BEST1: variants seen among roughly 807,000 people sequenced by gnomAD.
BEST1 encodes the protein bestrophin-1.
A neutral mutation model predicts 63.3 loss-of-function variants in BEST1; 58 were observed. The ratio of observed to expected loss-of-function variants is 0.92; its 90% CI spans 0.74 to 1.14. BEST1 has a LOEUF of 1.14. BEST1 is among the 50% of genes most tolerant of loss of function. The probability of loss-of-function intolerance (pLI) is 0.00; values close to 1 mark genes in which losing one functional copy is unlikely to be tolerated. For missense variants in BEST1, 671 were observed against 740.1 expected, an observed-to-expected ratio of 0.91 and a Z score of 1.08; for synonymous variants, 283 against 291.6, an observed-to-expected ratio of 0.97 and a Z score of 0.30.
chr11:61,964,668 T>C (rs1008194395), downstream of BEST1: 5 of 1,555,646 alleles, frequency 3.2e-6, no homozygotes, highest in Admixed American at 3.3e-5. Flanking sequence ...CCAACATGCA[T>C]GCACTGCCTT....
At chr11:61,959,759 C>T in intron 8 of BEST1, 133 bp from the exon 9 acceptor site, 1 of 1,386,754 alleles carries the variant, frequency 7.2e-7, no homozygotes. Flanking sequence ...CAGGCAGGCA[C>T]CCATCTCCCC....
chr11:61,962,840 C>T lies in BEST1; in HGVS notation c.1686C>T (p.Asn562=). 1 of 1,614,214 alleles carries T rather than the reference C, an allele frequency of 6.2e-7. No individual in the cohort carries two copies. Among genetic ancestry groups the T allele is most frequent in the Middle Eastern group, 1.6e-4 (1 of 6,062 alleles). Residue 562 remains asparagine, a synonymous_variant, in exon 10 of 11, where the codon AAC becomes AAT. Coordinates refer to ENST00000378043, the MANE Select transcript of BEST1 (RefSeq NM_004183.4). The part of the protein sequence containing the change: ...LKEPLEQSPT[N]IHTTLKDHMD... ...AACCTTTGGAACAATCACCAACCAA[C>T]ATACACACTACACTCAAAGATCACA...
chr11:61,959,811 A>C, intron 8 of BEST1, 81 bp from the exon 9 acceptor site: 1 of 1,573,760 alleles, frequency 6.4e-7, no homozygotes, highest in Non-Finnish European at 8.7e-7. Context: ...AGAGGGAGAG[A>C]TTCCTCCAAG....
At chr11:61,964,934 A>G (rs747099089), downstream of BEST1, 4 of 1,613,848 alleles carry the variant, frequency 2.5e-6, no homozygotes, top group South Asian at 2.2e-5. Flanking sequence ...AGCTTTCCCA[A>G]TCCCTAAGGC....
rs900538071 is a variant in BEST1 at position 61,954,553 on chromosome 11, C to A, written c.153-554C>A. On this transcript the variant is annotated intron_variant, in intron 2 of 10. Transcript: ENST00000378043. ...CAATGGCAATCACAGCCCATTGCAGCCTCCAACTCCTGGGCTGAAGTGATC... is the reference window on the plus strand; with the variant it reads ...CAATGGCAATCACAGCCCATTGCAGACTCCAACTCCTGGGCTGAAGTGATC... 4.6e-5 allele frequency among the ~76,000 whole-genome samples: 7 copies of A among 152,160 alleles called. No individual in the cohort carries two copies. The East Asian group carries it at 1.3e-3, about 29-fold the overall frequency.
At position 61,959,391 on chromosome 11, in the gene BEST1, G is replaced by T. The variant is rs1011387849; in HGVS notation, c.868-107G>T. The T allele has an allele frequency of 2.8e-6, 3 of 1,088,098 alleles. No homozygotes were observed. The African/African-American group carries it at 4.7e-5, about 17-fold the overall frequency. 67.4% of individuals were successfully genotyped at this position (1,088,098 alleles called of 1,614,324 possible). On this transcript the variant is annotated intron_variant, in intron 7 of 10. Coordinates refer to ENST00000378043, the MANE Select transcript of BEST1 (RefSeq NM_004183.4). ...TGCCTTTGAAGACAGTGGTCAGGCA[G>T]GAAGGGCGTCATGGGGTGTGGAAAT...
chr11:61,957,334 C>T, intron 5 of BEST1, 53 bp from the exon 6 acceptor site: 1 of 1,540,036 alleles, frequency 6.5e-7, no homozygotes, highest in East Asian at 2.2e-5. Context: ...GGGGCGAGCC[C>T]AGGGTGGGGG....
intron 1 of BEST1, among the ~76,000 whole-genome samples, 199 bp downstream of exon 1, chr11:61,950,626 C>T (rs1008667740): frequency 1.3e-5 from 2 of 152,168 alleles, no homozygotes; most frequent in Non-Finnish European, 2.9e-5. Flanking sequence ...AGTGTGGCTG[C>T]AGCAAAACAC....
At chr11:61,957,243 A>G in intron 5 of BEST1, 144 bp from the exon 6 acceptor site, 1 of 937,742 alleles carries the variant, frequency 1.1e-6, no homozygotes, top group Non-Finnish European at 1.7e-6. Flanking sequence ...CTGAGACACA[A>G]AGAGGTTTAG....
intron 3 of BEST1, chr11:61,955,500 C>G: frequency 9.0e-7 from 1 of 1,115,192 alleles, no homozygotes; most frequent in Non-Finnish European, 1.2e-6. Context: ...ATTTCTGGGA[C>G]CAGCAGGGGG....
rs1196230822 is a variant in BEST1 at position 61,955,709 on chromosome 11, C to T, written c.248-9C>T. The T allele has an allele frequency of 6.5e-7, 1 of 1,545,310 alleles. No individual in the cohort carries two copies. Among genetic ancestry groups the T allele is most frequent in the Non-Finnish European group, 8.7e-7 (1 of 1,144,382 alleles). On this transcript the variant is annotated splice_polypyrimidine_tract_variant and intron_variant, in intron 3 of 10. Coordinates refer to ENST00000378043, the MANE Select transcript of BEST1 (RefSeq NM_004183.4). The stretch of plus-strand genomic sequence containing the variant: ...CCCTCGCCCCTCGCCCCCCGCCCCT[C>T]CTGCCCAGGCTTCTACGTGACGCTG...
chr11:61,955,295 G>C, intron 3 of BEST1, 94 bp downstream of exon 3: 1 of 1,596,610 alleles, frequency 6.3e-7, no homozygotes. Context: ...GCAAGGGGCT[G>C]GGGAGGGGGC....
intron 1 of BEST1, among the ~76,000 whole-genome samples, chr11:61,951,406 A>C (rs1940642930): frequency 6.6e-6 from 1 of 152,016 alleles, no homozygotes; most frequent in Non-Finnish European, 1.5e-5. Context: ...ACAGGGTTTC[A>C]CCATGTTGGC....
chr11:61,957,564 C>T, intron 6 of BEST1, 100 bp downstream of exon 6: 1 of 1,166,558 alleles, frequency 8.6e-7, no homozygotes, highest in Non-Finnish European at 1.3e-6. Context: ...GGCTAAGTGG[C>T]TCCCCTGGGA....
intron 2 of BEST1, among the ~76,000 whole-genome samples, chr11:61,953,886 A>AAAACAAACAAACAAACAAAC (rs112657532): frequency 3.3e-5 from 5 of 150,614 alleles, no homozygotes; most frequent in African/African-American, 1.2e-4. Context: ...ACCCTATCTC[A>AAAACAAACAAACAAACAAAC]AAACAAACAA....
At chr11:61,952,561 G>A (rs113778577) in intron 2 of BEST1, among the ~76,000 whole-genome samples, 1 of 149,410 alleles carries the variant, frequency 6.7e-6, no homozygotes, top group Non-Finnish European at 1.5e-5. Context: ...CTGCCTCCCA[G>A]GTGCAAGCGA....
rs1173614954 is a variant in BEST1 at position 61,955,211 on chromosome 11, C to A, written c.247+10C>A. ...ATTTCCTTCGTGCTGGGTGAGTTCC[C>A]CCTTCTGGCTGTTCCGGGTCCCTGT... On this transcript the variant is annotated intron_variant, in intron 3 of 10. Transcript: ENST00000378043. The A allele has an allele frequency of 5.0e-6, 8 of 1,614,082 alleles. No individual in the cohort carries two copies. The highest frequency in any genetic ancestry group is 1.3e-5 in the African/African-American group (1 of 74,944).
In BEST1 at chr11:61,951,946, G is replaced by A. The variant is rs28940278; in HGVS notation, c.140G>A (p.Arg47His). Residue 47 changes from arginine (R) to histidine (H), a missense_variant, in exon 2 of 11, where the codon CGC (arginine) becomes CAC (histidine). Arg to His is a conservative substitution (Grantham distance 29). Coordinates refer to ENST00000378043, the MANE Select transcript of BEST1 (RefSeq NM_004183.4). Reference protein sequence around the residue: ...LIFLLCYYIIRFIYRLALTEE... With the variant: ...LIFLLCYYIIHFIYRLALTEE... ...TTCCTGCTCTGCTACTACATCATCC[G>A]CTTTATTTATAGGTAAAGCTGGCAG... 17 of 1,613,618 alleles carry A rather than the reference G, an allele frequency of 1.1e-5. No homozygotes were observed. The highest frequency in any genetic ancestry group is 6.7e-5 in the East Asian group (3 of 44,858).
In BEST1 at chr11:61,962,812, A is replaced by T; in HGVS notation, c.1658A>T (p.Lys553Ile). ...CCAGAGATCCCCGAAAATCACCTCA[A>T]AGAACCTTTGGAACAATCACCAACC... ...DMPEIPENHLKEPLEQSPTNI... is the reference protein window; with the variant it reads ...DMPEIPENHLIEPLEQSPTNI... The change falls in exon 10 of 11, where the codon AAA (lysine) becomes ATA (isoleucine). Residue 553 changes from lysine (K) to isoleucine (I), a missense_variant. Physicochemically the swap from Lys to Ile is moderately radical, Grantham distance 102. Coordinates refer to ENST00000378043, the MANE Select transcript of BEST1 (RefSeq NM_004183.4). 8.1e-6 allele frequency: 13 copies of T among 1,614,176 alleles called. No homozygotes were observed. The highest frequency in any genetic ancestry group is 1.1e-5 in the Non-Finnish European group (13 of 1,180,034).
Sources: gnomAD v4.1 joint callset for allele counts (sites outside exome capture counted in the v4.1 genomes callset) on GRCh38, gnomAD v4.1.1 for gene constraint, MANE v1.5 for transcripts, NCBI Gene and HGNC (gene_info 2026-07-23, HGNC 2026-07-21) for gene names.